PRDM5: variants seen among roughly 807,000 people sequenced by gnomAD.
PRDM5 encodes the protein PR/SET domain 5.
A neutral mutation model predicts 81.2 loss-of-function variants in PRDM5; 56 were observed. The observed-to-expected ratio is 0.69, with a 90% CI of 0.56 to 0.86. The LOEUF is 0.86. Ranked by LOEUF, PRDM5 falls within the 40% of genes least tolerant of loss-of-function variation. The pLI is 0.00. For synonymous variants in PRDM5, 267 were observed against 256.4 expected (o/e 1.04, Z -0.39); for missense variants, 697 against 770.1 (o/e 0.91, Z 1.12).
chr4:120,804,144 G>T (rs1752550737), intron 8 of PRDM5, among the ~76,000 whole-genome samples: 1 of 152,180 alleles, frequency 6.6e-6, no homozygotes, highest in Admixed American at 6.5e-5. Context: ...TCAACAAGAA[G>T]AGCTAACTAT....
chr4:120,739,732 A>G (rs1475909096), intron 14 of PRDM5, among the ~76,000 whole-genome samples: 2 of 151,736 alleles, frequency 1.3e-5, no homozygotes, highest in African/African-American at 4.8e-5. Flanking sequence ...ATGATCTAGC[A>G]TGCCTGGACC....
intron 15 of PRDM5, among the ~76,000 whole-genome samples, chr4:120,697,359 G>A (rs1734641850): frequency 1.3e-5 from 2 of 152,052 alleles, no homozygotes; most frequent in Admixed American, 6.6e-5. Flanking sequence ...TTGTATGACT[G>A]TCTCCTAGTC....
intron 2 of PRDM5, among the ~76,000 whole-genome samples, chr4:120,895,166 C>T (rs1267548634): frequency 6.6e-6 from 1 of 152,196 alleles, no homozygotes; most frequent in Non-Finnish European, 1.5e-5. Context: ...GGGATAAGCA[C>T]CCTCCAGCTT....
At chr4:120,855,377 T>C (rs1259111299) in intron 2 of PRDM5, among the ~76,000 whole-genome samples, 3 of 152,184 alleles carry the variant, frequency 2.0e-5, no homozygotes, top group Non-Finnish European at 4.4e-5. Flanking sequence ...TGCTTATATG[T>C]GAAGGTATGG....
intron 2 of PRDM5, among the ~76,000 whole-genome samples, chr4:120,888,047 C>T (rs1257908872): frequency 6.7e-6 from 1 of 149,340 alleles, no homozygotes; most frequent in East Asian, 2.0e-4. Flanking sequence ...CCGCCTCGGC[C>T]TCCCAAAGTG....
chr4:120,876,305 A>G (rs186052409), intron 2 of PRDM5, among the ~76,000 whole-genome samples: 1 of 152,340 alleles, frequency 6.6e-6, no homozygotes, highest in East Asian at 1.9e-4. Flanking sequence ...GACTTCCCCA[A>G]GAAAACTTTA....
intron 14 of PRDM5, among the ~76,000 whole-genome samples, chr4:120,746,063 T>C (rs1742955335): frequency 1.4e-5 from 2 of 140,386 alleles, no homozygotes; most frequent in African/African-American, 5.6e-5. Flanking sequence ...CAAAACAGCA[T>C]GGTACTGGTA....
chr4:120,692,329 G>A lies in PRDM5; in HGVS notation c.*2782C>T, dbSNP rs1734106371. ...CAAAGTAATGCACTTACATGTATAT[G>A]CACTGCATATAAGTGATACTCTTCA... On this transcript the variant is annotated 3_prime_UTR_variant, in exon 16 of 16. Coordinates refer to ENST00000264808, the MANE Select transcript of PRDM5 (RefSeq NM_018699.4). The A allele has an allele frequency of 6.6e-6, 1 of 151,906 alleles. No individual in the cohort carries two copies. The highest frequency in any genetic ancestry group is 2.4e-5 in the African/African-American group (1 of 41,362). 9.4% of individuals were successfully genotyped at this position (151,906 alleles called of 1,614,324 possible).
intron 15 of PRDM5, among the ~76,000 whole-genome samples, chr4:120,706,084 TC>T (rs1266232334): frequency 7.2e-6 from 1 of 138,438 alleles, no homozygotes; most frequent in African/African-American, 2.7e-5. Flanking sequence ...TGATCCTAGA[TC>T]TTTTTTTTTT....
rs1438517474 is a variant in PRDM5, at chr4:120,922,537, G to A, written c.72C>T (p.Tyr24=). 9 of 1,609,932 alleles carry A rather than the reference G, an allele frequency of 5.6e-6. No homozygotes were observed. The highest frequency in any genetic ancestry group is 6.8e-6 in the Non-Finnish European group (8 of 1,178,642). ...CCACCTTTCGCACTCTGCGGGCCGT[G>A]TAGAGCCCCATGCCGTCCTGAACCC... The part of the protein sequence containing the change: ...SSRVQDGMGL[Y]TARRVRKGEK... The change falls in exon 1 of 16, where the codon TAC becomes TAT. Residue 24 remains tyrosine (Y), a synonymous_variant. Transcript: ENST00000264808.
intron 15 of PRDM5, among the ~76,000 whole-genome samples, chr4:120,708,689 G>A (rs35349319): frequency 0.22 from 33,126 of 151,994 alleles, 3,877 homozygotes; most frequent in Non-Finnish European, 0.28. Context: ...TGACAGGGTA[G>A]AGAACACACA....
chr4:120,910,887 T>C (rs1766426281), intron 1 of PRDM5, among the ~76,000 whole-genome samples: 1 of 152,222 alleles, frequency 6.6e-6, no homozygotes, highest in East Asian at 1.9e-4. Context: ...TCATTGGTTT[T>C]ACTTTTTGTA....
chr4:120,870,125 G>A (rs556964543), intron 2 of PRDM5, among the ~76,000 whole-genome samples: 2 of 152,222 alleles, frequency 1.3e-5, no homozygotes, highest in Admixed American at 6.5e-5. Context: ...AGGGAAGACG[G>A]AGGAGACAGA....
intron 13 of PRDM5, among the ~76,000 whole-genome samples, chr4:120,763,532 G>C (rs1447933703): frequency 6.6e-6 from 1 of 152,092 alleles, no homozygotes; most frequent in Non-Finnish European, 1.5e-5. Flanking sequence ...CCAGACACTG[G>C]CCAAGTTTTC....
At chr4:120,827,237 G>T (rs1438112458) in intron 3 of PRDM5, among the ~76,000 whole-genome samples, 2 of 152,114 alleles carry the variant, frequency 1.3e-5, no homozygotes, top group Non-Finnish European at 2.9e-5. Flanking sequence ...GGTCATTTTG[G>T]TAACATCATA....
chr4:120,797,918 T>C (rs1751556037), intron 10 of PRDM5, among the ~76,000 whole-genome samples: 1 of 152,212 alleles, frequency 6.6e-6, no homozygotes, highest in African/African-American at 2.4e-5. Context: ...CAGAGCATAC[T>C]ACAAGGATCC....
intron 14 of PRDM5, among the ~76,000 whole-genome samples, chr4:120,722,927 T>A (rs922920068): frequency 6.6e-6 from 1 of 152,206 alleles, no homozygotes; most frequent in Non-Finnish European, 1.5e-5. Flanking sequence ...CTAACGACCC[T>A]GTTGAGCTAT....
chr4:120,868,844 A>G (rs77765574), intron 2 of PRDM5, among the ~76,000 whole-genome samples: 14,919 of 152,120 alleles, frequency 0.098, 959 homozygotes, highest in Non-Finnish European at 0.15. Context: ...AATGAAGCCT[A>G]TAGATAAAAA....
chr4:120,724,831 AAG>A, intron 14 of PRDM5, among the ~76,000 whole-genome samples: 1 of 152,354 alleles, frequency 6.6e-6, no homozygotes, highest in East Asian at 1.9e-4. Context: ...CATTTCAGCC[AAG>A]TTTATGTCAA....
Sources: allele counts gnomAD v4.1 joint callset (sites outside exome capture counted in the v4.1 genomes callset), GRCh38; gene constraint gnomAD v4.1.1; transcripts MANE v1.5; gene names NCBI Gene and HGNC (gene_info 2026-07-23, HGNC 2026-07-21).